SPTBN5: variants seen among roughly 807,000 people sequenced by gnomAD.
SPTBN5 encodes spectrin beta chain, non-erythrocytic 5.
SPTBN5 carries 513 observed loss-of-function variants against 477.6 expected under a neutral mutation model. The ratio of observed to expected loss-of-function variants is 1.07; its 90% confidence interval spans 1.00 to 1.16. The LOEUF (loss-of-function observed/expected upper bound fraction) is 1.16, where lower values mean the gene tolerates loss of function less well. SPTBN5 is among the 50% of genes most tolerant of loss of function. The pLI is 0.00. For missense variants in SPTBN5, 5,062 were observed against 4,731.8 expected (o/e 1.07, Z -2.05); for synonymous variants, 2,169 against 2,011.7 (o/e 1.08, Z -2.09).
At position 41,871,299 on chromosome 15, in the gene SPTBN5, C is replaced by G. The variant is rs544483889; in HGVS notation, c.5447+76G>C. The G allele has an allele frequency of 1.5e-5, 20 of 1,338,924 alleles. No homozygotes were observed. The South Asian group carries it at 4.0e-4, about 27-fold the overall frequency. 82.9% of individuals were successfully genotyped at this position (1,338,924 alleles called of 1,614,324 possible). On this transcript the variant is annotated intron_variant, in intron 29 of 67. Transcript: ENST00000320955. ...TGTGGCCCTCACAGCATGCCATCCTCTCTTACCACTCTGGGCCCTGCCTGC... is the reference window on the plus strand; with the variant it reads ...TGTGGCCCTCACAGCATGCCATCCTGTCTTACCACTCTGGGCCCTGCCTGC...
rs772520113 is a variant in SPTBN5 at position 41,871,788 on chromosome 15, G to A, written c.5295C>T (p.His1765=). The stretch of plus-strand genomic sequence containing the variant: ...ACCCTGGCCCTCTTCTCACCAGGGC[G>A]TGCTCGGGGTCCTCTCCCAGGCTCT... ...GGESLGEDPE[H]ALHLCTKFAK... Residue 1765 remains histidine (H), a synonymous_variant, in exon 28 of 68, where the codon CAC becomes CAT. Transcript: ENST00000320955. 115 of 1,585,344 alleles carry A rather than the reference G, an allele frequency of 7.3e-5. No homozygotes were observed. The highest frequency in any genetic ancestry group is 7.0e-5 in the South Asian group (6 of 86,240).
At position 41,855,328 on chromosome 15, in the gene SPTBN5, G is replaced by T; in HGVS notation, c.9319C>A (p.Leu3107Ile). The change falls in exon 55 of 68, where the codon CTA (leucine) becomes ATA (isoleucine). Residue 3107 changes from leucine (L) to isoleucine (I), a missense_variant. Transcript: ENST00000320955. Reference sequence around the variant, plus strand: ...AGGGTCTCTCGCTCCAGCTGGTGTAGCTGCAGCTGCTCCTGCAGGCCGTGC... The same window carrying T: ...AGGGTCTCTCGCTCCAGCTGGTGTATCTGCAGCTGCTCCTGCAGGCCGTGC... The part of the protein sequence containing the change: ...RGHGLQEQLQ[L>I]HQLERETLLL... The T allele has an allele frequency of 6.2e-7, 1 of 1,608,622 alleles. No homozygotes were observed.
intron 17 of SPTBN5, among the ~76,000 whole-genome samples, chr15:41,878,102 C>A (rs912179209): frequency 7.9e-5 from 12 of 152,088 alleles, no homozygotes; most frequent in Non-Finnish European, 1.6e-4. Context: ...CTGCAGAGAG[C>A]CTCCCAGGCA....
chr15:41,893,235 G>A (rs1305880432), intron 2 of SPTBN5, 47 bp downstream of exon 2: 1 of 1,611,336 alleles, frequency 6.2e-7, no homozygotes, highest in Non-Finnish European at 8.5e-7. Context: ...GGCCAGAGCT[G>A]GGGGCCTGGT....
At chr15:41,883,805 C>A (rs1433984386) in intron 7 of SPTBN5, among the ~76,000 whole-genome samples, 1 of 146,958 alleles carries the variant, frequency 6.8e-6, no homozygotes, top group Non-Finnish European at 1.5e-5. Flanking sequence ...TTTTTTTTTT[C>A]TTTTGAGACA....
At position 41,874,926 on chromosome 15, in the gene SPTBN5, G is replaced by A; in HGVS notation, c.4418C>T (p.Ala1473Val). The A allele has an allele frequency of 6.2e-7, 1 of 1,613,390 alleles. No homozygotes were observed. Among genetic ancestry groups the A allele is most frequent in the Non-Finnish European group, 8.5e-7 (1 of 1,179,856 alleles). Residue 1473 changes from alanine (A) to valine (V), a missense_variant, in exon 23 of 68, where the codon GCC becomes GTC. Ala to Val is a moderately conservative substitution (Grantham distance 64, BLOSUM62 0). Transcript: ENST00000320955. ...CATGGAGGCGAGGGCAGCCATCTTG[G>A]CAGCCAGGGTCCGGCTCTCACTCTC... ...QLESESRTLA[A>V]KMAALASMAH...
Position 41,883,300 on chromosome 15 carries a change from TC to T in SPTBN5, c.1659+47del, listed in dbSNP as rs752126080. The T allele has an allele frequency of 1.6e-5, 26 of 1,607,146 alleles. No individual in the cohort carries two copies. In the East Asian group the frequency reaches 5.4e-4, roughly 33 times the overall value. On this transcript the variant is annotated intron_variant, in intron 8 of 67. Coordinates refer to ENST00000320955, the MANE Select transcript of SPTBN5 (RefSeq NM_016642.4). ...CCTCTGAGCACTGGCACTGGGGAAG[TC>T]CCCCACCTTGCTGTGTTTCCCAAGG...
At chr15:41,888,838 G>A (rs777213833) in intron 4 of SPTBN5, among the ~76,000 whole-genome samples, 1 of 152,216 alleles carries the variant, frequency 6.6e-6, no homozygotes, top group Non-Finnish European at 1.5e-5. Flanking sequence ...CCAGAGCTTG[G>A]GTAGGAAGGA....
chr15:41,881,893 G>A, intron 12 of SPTBN5, 43 bp downstream of exon 12: 6 of 1,484,318 alleles, frequency 4.0e-6, no homozygotes, highest in Non-Finnish European at 4.5e-6. Flanking sequence ...CAGCCGCGGT[G>A]GAGCAAGGGA....
intron 22 of SPTBN5, 134 bp from the exon 23 acceptor site, chr15:41,875,190 G>A (rs994601101): frequency 2.1e-5 from 20 of 933,126 alleles, no homozygotes; most frequent in East Asian, 5.3e-5. Flanking sequence ...GCCAACCCTC[G>A]GCCAGAAGTG....
Position 41,855,255 on chromosome 15 carries a change from T to G in SPTBN5, c.9392A>C (p.Gln3131Pro), listed in dbSNP as rs1423854556. The G allele has an allele frequency of 1.2e-6, 2 of 1,612,366 alleles. No homozygotes were observed. Among genetic ancestry groups the G allele is most frequent in the African/African-American group, 2.7e-5 (2 of 74,938 alleles). ...ACCCTCCAGGTCCTGCCCGTAGTCCTGGGACTCGGCGGTGGCCGCCTTGGT... is the reference window on the plus strand; with the variant it reads ...ACCCTCCAGGTCCTGCCCGTAGTCCGGGGACTCGGCGGTGGCCGCCTTGGT... The part of the protein sequence containing the change: ...LTTKAATAES[Q>P]DYGQDLEGVK... The change falls in exon 55 of 68, where the codon CAG becomes CCG. Residue 3131 changes from glutamine (Q) to proline (P), a missense_variant. By Grantham distance (76) the Gln-to-Pro change is moderately conservative (BLOSUM62 -1). Transcript: ENST00000320955.
At chr15:41,879,659 G>A (rs557991790) in intron 15 of SPTBN5, 75 bp downstream of exon 15, 1 of 1,576,290 alleles carries the variant, frequency 6.3e-7, no homozygotes, top group African/African-American at 1.3e-5. Flanking sequence ...GGCATGGCGG[G>A]AGGCAGGTGA....
Position 41,893,352 on chromosome 15 carries a change from T to C in SPTBN5, c.146A>G (p.Gln49Arg), listed in dbSNP as rs745752038. 3 of 1,613,994 alleles carry C rather than the reference T, an allele frequency of 1.9e-6. No individual in the cohort carries two copies. Among genetic ancestry groups the C allele is most frequent in the Admixed American group, 3.3e-5 (2 of 60,026 alleles). The change falls in exon 2 of 68, where the codon CAG (glutamine) becomes CGG (arginine). Residue 49 changes from glutamine to arginine, a missense_variant. Physicochemically the swap from Gln to Arg is conservative, Grantham distance 43. Transcript: ENST00000320955. ...QYETGHIRKL[Q>R]ARHMQMQEKT... ...CTCCTGCATCTGCATGTGCCGGGCC[T>C]GTAGCTTGCGAATGTGGCCCGTCTC...
chr15:41,885,351 C>G (rs961935269), intron 7 of SPTBN5, among the ~76,000 whole-genome samples: 1 of 152,134 alleles, frequency 6.6e-6, no homozygotes, highest in African/African-American at 2.4e-5. Flanking sequence ...ATTTTTATTA[C>G]CACATGCTAT....
chr15:41,853,123 C>T lies in SPTBN5; in HGVS notation c.10171-123G>A, dbSNP rs2065827786. The T allele has an allele frequency of 4.4e-5, 64 of 1,440,642 alleles. No individual in the cohort carries two copies. The South Asian group carries it at 8.6e-4, about 19-fold the overall frequency. 89.2% of individuals were successfully genotyped at this position (1,440,642 alleles called of 1,614,324 possible). A position where few individuals can be genotyped will look rare whatever the true frequency, so the allele number is the denominator to read the frequency against. On this transcript the variant is annotated intron_variant, in intron 59 of 67. Coordinates refer to ENST00000320955, the MANE Select transcript of SPTBN5 (RefSeq NM_016642.4). Reference sequence around the variant, plus strand: ...GAAGGCTGTGAGACCCGCACCTGCCCCTTCCCAGCCTCTCTCCCTGCCTGC... The same window carrying T: ...GAAGGCTGTGAGACCCGCACCTGCCTCTTCCCAGCCTCTCTCCCTGCCTGC...
rs1279067068 is a variant in SPTBN5 at position 41,871,868 on chromosome 15, C to T, written c.5215G>A (p.Ala1739Thr). The change falls in exon 28 of 68, where the codon GCT becomes ACT. Residue 1739 changes from alanine to threonine, a missense_variant. By Grantham distance (58) the Ala-to-Thr change is moderately conservative (BLOSUM62 0). Transcript: ENST00000320955. ...GCCAGCCAGCCCTGCAGGTCCTCAG[C>T]CTCCCTCAGGAACTCATGCAGCCTC... ...TLRLHEFLREAEDLQGWLASQ... is the reference protein window; with the variant it reads ...TLRLHEFLRETEDLQGWLASQ... 1.3e-6 allele frequency: 2 copies of T among 1,586,798 alleles called. No homozygotes were observed. Among genetic ancestry groups the T allele is most frequent in the South Asian group, 2.3e-5 (2 of 86,628 alleles).
At chr15:41,873,669 G>A in intron 25 of SPTBN5, 61 bp from the exon 26 acceptor site, 1 of 1,482,626 alleles carries the variant, frequency 6.7e-7, no homozygotes, top group Non-Finnish European at 9.2e-7. Flanking sequence ...GTCAGCCCTG[G>A]AGACATCTGC....
rs780594632 is a variant in SPTBN5 at position 41,877,402 on chromosome 15, C to G, written c.3471-46G>C. 7 of 1,578,028 alleles carry G rather than the reference C, an allele frequency of 4.4e-6. No individual in the cohort carries two copies. The South Asian group carries it at 4.6e-5, about 10-fold the overall frequency. ...AGAGTCAAACCCCAGCAGGCTCCCT[C>G]GTCAGCCTCCTTCTCCTCTCACCTC... On this transcript the variant is annotated intron_variant, in intron 17 of 67. Coordinates refer to ENST00000320955, the MANE Select transcript of SPTBN5 (RefSeq NM_016642.4).
Position 41,868,567 on chromosome 15 carries a change from C to T in SPTBN5, c.5888G>A (p.Arg1963His), listed in dbSNP as rs756663149. 2.7e-5 allele frequency: 44 copies of T among 1,601,892 alleles called. No homozygotes were observed. Among genetic ancestry groups the T allele is most frequent in the South Asian group, 2.6e-4 (24 of 91,074 alleles). Residue 1963 changes from arginine to histidine, a missense_variant, in exon 33 of 68, where the codon CGC (arginine) becomes CAC (histidine). By Grantham distance (29) the Arg-to-His change is conservative (BLOSUM62 0). Coordinates refer to ENST00000320955, the MANE Select transcript of SPTBN5 (RefSeq NM_016642.4). ...RDYASWAARV[R>H]QDLQVEESSQ... ...ACTCTCCTCCACCTGCAGGTCCTGG[C>T]GCACGCGGGCTGCCCAGGAGGCATA...
Sources: gnomAD v4.1 joint callset for allele counts (sites outside exome capture counted in the v4.1 genomes callset) on GRCh38, gnomAD v4.1.1 for gene constraint, MANE v1.5 for transcripts, NCBI Gene and HGNC (gene_info 2026-07-23, HGNC 2026-07-21) for gene names.